RHOU: variants seen among roughly 807,000 people sequenced by gnomAD.
RHOU encodes ras homolog family member U.
Under a neutral mutation model 12.6 loss-of-function variants are expected in RHOU, and 8 were observed. That is an observed-to-expected ratio of 0.64 (90% CI 0.37 to 1.15). The LOEUF (loss-of-function observed/expected upper bound fraction) is 1.15. Among genes scored for constraint, RHOU ranks in the 50% most tolerant of loss-of-function variants. The pLI is 0.01. For synonymous variants in RHOU, 161 were observed against 147.4 expected (o/e 1.09, Z -0.67); for missense variants, 258 against 347.0 (o/e 0.74, Z 2.04).
chr1:228,687,235 C>T, the RHOU span, among the ~76,000 whole-genome samples: 2 of 152,112 alleles, frequency 1.3e-5, no homozygotes, highest in African/African-American at 4.8e-5. Context: ...CCCACCTCAG[C>T]GTGACTGTCC....
At chr1:228,730,132 G>A in the RHOU span, among the ~76,000 whole-genome samples, 1 of 152,194 alleles carries the variant, frequency 6.6e-6, no homozygotes, top group Admixed American at 6.5e-5. Context: ...GGCCCAGTCA[G>A]GAAATCAGAG....
the RHOU span, among the ~76,000 whole-genome samples, chr1:228,697,546 G>A: frequency 6.6e-6 from 1 of 152,272 alleles, no homozygotes; most frequent in East Asian, 1.9e-4. Context: ...TTTAAGGGAC[G>A]GAGAGATTAA....
the RHOU span, among the ~76,000 whole-genome samples, chr1:228,702,124 G>A: frequency 1.3e-5 from 2 of 151,930 alleles, no homozygotes; most frequent in Non-Finnish European, 2.9e-5. Context: ...AATAATTAAT[G>A]TTTTAGTATT....
the RHOU span, among the ~76,000 whole-genome samples, chr1:228,647,119 T>A: frequency 0.64 from 96,700 of 151,986 alleles, 32,046 homozygotes; most frequent in African/African-American, 0.84. Flanking sequence ...TTTTGAGCAG[T>A]CCGGAATAGG....
the RHOU span, among the ~76,000 whole-genome samples, chr1:228,686,045 A>G: frequency 7.2e-5 from 11 of 152,200 alleles, no homozygotes; most frequent in Admixed American, 1.3e-4. Context: ...ACACAATGTA[A>G]GTTAGTGATC....
the RHOU span, among the ~76,000 whole-genome samples, chr1:228,714,723 T>C: frequency 1.3e-5 from 2 of 150,790 alleles, no homozygotes; most frequent in African/African-American, 2.4e-5. Context: ...TAATGGCTTG[T>C]TTATTTTGTT....
chr1:228,727,219 A>G, the RHOU span, among the ~76,000 whole-genome samples: 1 of 152,210 alleles, frequency 6.6e-6, no homozygotes, highest in African/African-American at 2.4e-5. Flanking sequence ...CAATCATAGC[A>G]TAAGTATTTA....
the RHOU span, among the ~76,000 whole-genome samples, chr1:228,668,543 C>G: frequency 6.6e-6 from 1 of 152,128 alleles, no homozygotes; most frequent in Admixed American, 6.5e-5. Flanking sequence ...TCGGTGAGGG[C>G]AAACCACCAC....
the RHOU span, among the ~76,000 whole-genome samples, chr1:228,682,858 A>G: frequency 2.6e-5 from 4 of 152,184 alleles, no homozygotes; most frequent in African/African-American, 7.2e-5. Flanking sequence ...ATGTCACTCA[A>G]ATCTGACACT....
the RHOU span, among the ~76,000 whole-genome samples, chr1:228,696,720 G>C: frequency 6.6e-6 from 1 of 151,598 alleles, no homozygotes; most frequent in Non-Finnish European, 1.5e-5. Flanking sequence ...GCTAATTTTT[G>C]TGTATTTTGT....
At chr1:228,740,231 TG>T (rs1275914498) in intron 2 of RHOU, among the ~76,000 whole-genome samples, 11 of 152,224 alleles carry the variant, frequency 7.2e-5, no homozygotes, top group Non-Finnish European at 2.9e-5. Context: ...ACGAAGGTTT[TG>T]GTGCTACATT....
the RHOU span, among the ~76,000 whole-genome samples, chr1:228,647,013 C>G: frequency 7.7e-4 from 112 of 144,958 alleles, no homozygotes; most frequent in African/African-American, 2.3e-3. Context: ...AACGCGAGGT[C>G]CAGGGGGAAA....
At chr1:228,731,703 CGAG>C (rs1441415886), upstream of RHOU, among the ~76,000 whole-genome samples, 1 of 151,214 alleles carries the variant, frequency 6.6e-6, no homozygotes, top group African/African-American at 2.4e-5. Flanking sequence ...ACCTGTAGTT[CGAG>C]GAGAAGACAC....
At position 228,735,605 on chromosome 1, in the gene RHOU, G is replaced by C. The variant is rs971116636; in HGVS notation, c.-138G>C. 1.5e-6 allele frequency: 1 copy of C among 648,406 alleles called. No individual in the cohort carries two copies. The highest frequency in any genetic ancestry group is 2.1e-6 in the Non-Finnish European group (1 of 479,126). 40.2% of individuals were successfully genotyped at this position (648,406 alleles called of 1,614,324 possible). A position where few individuals can be genotyped will look rare whatever the true frequency, so the allele number is the denominator to read the frequency against. ...CCTTTGTCTACTGGCCGTGCGGCCC[G>C]GAACCGCCACTCTCCAGGGCCGGGG... On this transcript the variant is annotated 5_prime_UTR_variant, in exon 1 of 3. Coordinates refer to ENST00000366691, the MANE Select transcript of RHOU (RefSeq NM_021205.6). This position sits in a 1 kb window ranked among gnomAD's most constrained non-coding sequence, Gnocchi z 8.1.
chr1:228,724,375 G>A, the RHOU span, among the ~76,000 whole-genome samples: 2 of 152,134 alleles, frequency 1.3e-5, no homozygotes, highest in Admixed American at 6.5e-5. Flanking sequence ...TATTTATAAT[G>A]TACAATGCAA....
chr1:228,681,595 T>C, the RHOU span, among the ~76,000 whole-genome samples: 1 of 152,132 alleles, frequency 6.6e-6, no homozygotes, highest in East Asian at 1.9e-4. Context: ...TTGCCCTTTT[T>C]TCGACAAAAA....
In RHOU at chr1:228,737,853, C is replaced by G; in HGVS notation, c.321+122C>G. ...CTAAAGCCTCATGAAGTGGACCCAC[C>G]CCTGCTGTTGGCCCTTCTCTGAGGG... On this transcript the variant is annotated intron_variant, in intron 2 of 2. Coordinates refer to ENST00000366691, the MANE Select transcript of RHOU (RefSeq NM_021205.6). The surrounding 1 kb of genome is among the most constrained non-coding windows in gnomAD (Gnocchi z 4.1). The G allele has an allele frequency of 1.9e-6, 2 of 1,047,646 alleles. No homozygotes were observed. The highest frequency in any genetic ancestry group is 2.7e-5 in the South Asian group (2 of 73,814). 64.9% of individuals were successfully genotyped at this position (1,047,646 alleles called of 1,614,324 possible).
At chr1:228,726,472 C>T in the RHOU span, among the ~76,000 whole-genome samples, 1 of 152,138 alleles carries the variant, frequency 6.6e-6, no homozygotes, top group East Asian at 1.9e-4. Context: ...GAGACTCAGC[C>T]TGATCGACAT....
In RHOU at chr1:228,738,481, T is replaced by C. The variant is rs1308488477; in HGVS notation, c.321+750T>C. On this transcript the variant is annotated intron_variant, in intron 2 of 2. Transcript: ENST00000366691. The surrounding 1 kb of genome is among the most constrained non-coding windows in gnomAD (Gnocchi z 4.2). ...TTGATTTTGGCAAAGTGATAGTTAA[T>C]GAACTTGTCTCTCTAGTATGTTCTA... 6.6e-6 allele frequency among the ~76,000 whole-genome samples: 1 copy of C among 152,212 alleles called. No individual in the cohort carries two copies.
Sources: gnomAD v4.1 joint callset for allele counts (sites outside exome capture counted in the v4.1 genomes callset) on GRCh38, gnomAD v4.1.1 for gene constraint, Gnocchi (gnomAD v3.1) non-coding constraint, MANE v1.5 for transcripts, NCBI Gene and HGNC (gene_info 2026-07-23, HGNC 2026-07-21) for gene names.